The following FETUB variants were observed in gnomAD, a reference collection of about 807,000 sequenced individuals.
The protein encoded by FETUB is fetuin-B.
FETUB carries 28 observed loss-of-function variants against 30.9 expected under a neutral mutation model. That is an observed-to-expected ratio of 0.90 (90% confidence interval 0.67 to 1.24). The LOEUF (loss-of-function observed/expected upper bound fraction) is 1.24, where lower values mean the gene tolerates loss of function less well. Among genes scored for constraint, FETUB ranks in the 50% most tolerant of loss-of-function variants. FETUB has a pLI of 0.00. For synonymous variants in FETUB, 186 were observed against 175.9 expected (o/e 1.06, Z -0.45); for missense variants, 469 against 455.3 (o/e 1.03, Z -0.27).
At chr3:186,639,203 A>G (rs546814713), upstream of FETUB, among the ~76,000 whole-genome samples, 1 of 152,306 alleles carries the variant, frequency 6.6e-6, no homozygotes, top group Admixed American at 6.5e-5. Flanking sequence ...CACAGGTGAA[A>G]GGAAGAGAGA....
At chr3:186,648,475 A>G (rs531591848) in intron 5 of FETUB, among the ~76,000 whole-genome samples, 22 of 152,322 alleles carry the variant, frequency 1.4e-4, no homozygotes, top group African/African-American at 5.0e-4. Flanking sequence ...GGTATCCTGG[A>G]TGCCTTGAAT....
chr3:186,636,380 C>G (rs1171125437), upstream of FETUB, among the ~76,000 whole-genome samples: 3 of 152,180 alleles, frequency 2.0e-5, no homozygotes, highest in African/African-American at 7.2e-5. Context: ...TTAGCTGTAG[C>G]CTCAGAGAAT....
upstream of FETUB, among the ~76,000 whole-genome samples, chr3:186,637,356 C>T (rs995168975): frequency 6.6e-6 from 1 of 152,180 alleles, no homozygotes; most frequent in Admixed American, 6.5e-5. Flanking sequence ...TATTTTGGAG[C>T]CATGGCTGCC....
chr3:186,652,219 A>G (rs1718104223), intron 6 of FETUB, 44 bp from the exon 7 acceptor site: 1 of 1,522,778 alleles, frequency 6.6e-7, no homozygotes, highest in East Asian at 2.3e-5. Flanking sequence ...GCATGGGAGG[A>G]CTTTCCCTGT....
Position 186,640,486 on chromosome 3 carries a change from T to C in FETUB, c.26T>C (p.Leu9Pro), listed in dbSNP as rs964933995. 6.2e-7 allele frequency: 1 copy of C among 1,614,074 alleles called. No individual in the cohort carries two copies. Among genetic ancestry groups the C allele is most frequent in the Non-Finnish European group, 8.5e-7 (1 of 1,180,028 alleles). MGLLLPLALCILVLCCGAM... is the reference protein window; with the variant it reads MGLLLPLAPCILVLCCGAM... Reference sequence around the variant, plus strand: ...ATGGGTCTGCTCCTTCCCCTGGCACTCTGCATCCTAGTCCTGTGCTGCGGA... The same window carrying C: ...ATGGGTCTGCTCCTTCCCCTGGCACCCTGCATCCTAGTCCTGTGCTGCGGA... Residue 9 changes from leucine to proline, a missense_variant, in exon 1 of 7, where the codon CTC becomes CCC. Physicochemically the swap from Leu to Pro is moderately conservative, Grantham distance 98. Coordinates refer to ENST00000265029, the MANE Select transcript of FETUB (RefSeq NM_014375.3).
chr3:186,652,412 GGAT>G lies in FETUB; in HGVS notation c.934_936del (p.Asp312del). On this transcript the variant is annotated inframe_deletion, in exon 7 of 7. Transcript: ENST00000265029. ...GATCTGTCCAATATCTTCCTGACTT[GGAT>G]GATAAAAATTCCCAGGAAAAGGGCC... 1 of 1,613,924 alleles carries G rather than the reference GGAT, an allele frequency of 6.2e-7. No homozygotes were observed. The highest frequency in any genetic ancestry group is 8.5e-7 in the Non-Finnish European group (1 of 1,179,964).
Position 186,652,793 on chromosome 3 carries a change from A to G in FETUB, c.*162A>G. On this transcript the variant is annotated 3_prime_UTR_variant, in exon 7 of 7. Transcript: ENST00000265029. ...ATGTTGACTGGGATTGGAAATAATGAGACTGAGCCCTCGGCTTGGGCTGCA... is the reference window on the plus strand; with the variant it reads ...ATGTTGACTGGGATTGGAAATAATGGGACTGAGCCCTCGGCTTGGGCTGCA... The G allele has an allele frequency of 1.2e-6, 1 of 822,200 alleles. No individual in the cohort carries two copies. The highest frequency in any genetic ancestry group is 1.8e-6 in the Non-Finnish European group (1 of 544,846). The allele number at this position is 822,200 out of a possible 1,614,324, so 50.9% of individuals were successfully genotyped here. A position where few individuals can be genotyped will look rare whatever the true frequency, so the allele number is the denominator to read the frequency against.
intron 1 of FETUB, 148 bp downstream of exon 1, chr3:186,640,833 G>A: frequency 1.4e-6 from 1 of 727,472 alleles, no homozygotes; most frequent in South Asian, 1.7e-5. Context: ...GCCAGGGTCA[G>A]CAACAACGCA....
At chr3:186,638,031 A>AT (rs1437999917), upstream of FETUB, among the ~76,000 whole-genome samples, 3 of 152,226 alleles carry the variant, frequency 2.0e-5, no homozygotes, top group Non-Finnish European at 4.4e-5. Flanking sequence ...GCCTTTCATA[A>AT]TTTTTATGTT....
intron 5 of FETUB, among the ~76,000 whole-genome samples, chr3:186,648,496 A>AT (rs1331837954): frequency 1.3e-5 from 2 of 152,172 alleles, no homozygotes; most frequent in Non-Finnish European, 2.9e-5. Flanking sequence ...TCTCATGCTG[A>AT]TTTTAGGACC....
At chr3:186,647,360 T>C (rs1185230859) in intron 5 of FETUB, among the ~76,000 whole-genome samples, 2 of 152,218 alleles carry the variant, frequency 1.3e-5, no homozygotes, top group Admixed American at 6.5e-5. Flanking sequence ...GTGGAGTTTT[T>C]GTCATATGAA....
intron 4 of FETUB, among the ~76,000 whole-genome samples, chr3:186,645,721 CTTTTTTTTTTTTTT>C (rs35992832): frequency 1.3e-5 from 1 of 79,580 alleles, no homozygotes; most frequent in Non-Finnish European, 2.2e-5. Context: ...CCATTCAAAT[CTTTTTTTTTTTTTT>C]TTTTTTTTTT....
At chr3:186,650,637 T>A (rs1717949197) in intron 5 of FETUB, among the ~76,000 whole-genome samples, 2 of 151,916 alleles carry the variant, frequency 1.3e-5, no homozygotes, top group Non-Finnish European at 2.9e-5. Flanking sequence ...AGAAGAAAAA[T>A]GTATATGCAT....
At position 186,642,486 on chromosome 3, in the gene FETUB, A is replaced by C; in HGVS notation, c.352A>C (p.Lys118Gln). 6.2e-7 allele frequency: 1 copy of C among 1,604,724 alleles called. No homozygotes were observed. Among genetic ancestry groups the C allele is most frequent in the South Asian group, 1.1e-5 (1 of 90,564 alleles). ...TTGGTTTCAGGTTTATGGTCAATGC[A>C]AAGCAATATTTTATATGAACAACCC... ...IFFESVYGQC[K>Q]AIFYMNNPSR... is the part of the protein sequence containing the mutation. Residue 118 changes from lysine to glutamine, a missense_variant, in exon 3 of 7, where the codon AAA (lysine) becomes CAA (glutamine). By Grantham distance (53) the Lys-to-Gln change is moderately conservative. Transcript: ENST00000265029.
chr3:186,652,662 G>C lies in FETUB; in HGVS notation c.*31G>C. ...ACACAGAGTCTTCTGTAGGGGTATG[G>C]TGCGCCGCATGACATGGGAGGCGAT... On this transcript the variant is annotated 3_prime_UTR_variant, in exon 7 of 7. Transcript: ENST00000265029. The C allele has an allele frequency of 1.3e-6, 2 of 1,562,974 alleles. No homozygotes were observed. The highest frequency in any genetic ancestry group is 1.7e-6 in the Non-Finnish European group (2 of 1,158,190).
chr3:186,642,723 A>G (rs1717174128), intron 3 of FETUB, among the ~76,000 whole-genome samples, 165 bp downstream of exon 3: 1 of 152,226 alleles, frequency 6.6e-6, no homozygotes, highest in Non-Finnish European at 1.5e-5. Flanking sequence ...TGAAATTCAT[A>G]CTATACTGCT....
intron 4 of FETUB, 147 bp from the exon 5 acceptor site, chr3:186,646,101 G>A: frequency 1.6e-6 from 1 of 623,472 alleles, no homozygotes; most frequent in Non-Finnish European, 2.9e-6. Flanking sequence ...GGTTTGATCA[G>A]TGTGGGGATT....
chr3:186,640,346 G>C (rs1476676974), upstream of FETUB: 11 of 746,850 alleles, frequency 1.5e-5, no homozygotes, highest in South Asian at 4.8e-5. Flanking sequence ...AGGTGAACTT[G>C]GTTAGCCCTT....
chr3:186,649,447 ATTCAGGGTGG>A (rs1370943891), intron 5 of FETUB, among the ~76,000 whole-genome samples: 1 of 151,970 alleles, frequency 6.6e-6, no homozygotes, highest in African/African-American at 2.4e-5. Flanking sequence ...TGTACATTGT[ATTCAGGGTGG>A]TTTTTGTTTT....
Sources: allele counts gnomAD v4.1 joint callset (sites outside exome capture counted in the v4.1 genomes callset), GRCh38; gene constraint gnomAD v4.1.1; transcripts MANE v1.5; gene names NCBI Gene and HGNC (gene_info 2026-07-23, HGNC 2026-07-21).